Variants in E2F6 observed in about 807,000 individuals in gnomAD.
E2F6 encodes E2F transcription factor 6, also known as transcription factor E2F6.
E2F6 carries 19 observed loss-of-function variants against 31.5 expected under a neutral mutation model. The observed-to-expected ratio is 0.60, with a 90% confidence interval of 0.42 to 0.89. The LOEUF is 0.89. Among genes scored for constraint, E2F6 ranks in the 40% least tolerant of loss-of-function variants. The probability of loss-of-function intolerance (pLI) is 0.00; values close to 1 mark genes in which losing one functional copy is unlikely to be tolerated. For missense variants in E2F6, 269 were observed against 341.6 expected, an observed-to-expected ratio of 0.79 and a Z score of 1.67; for synonymous variants, 121 against 127.7, an observed-to-expected ratio of 0.95 and a Z score of 0.36.
At chr2:11,452,996 T>C (rs1326091432) in intron 3 of E2F6, among the ~76,000 whole-genome samples, 1 of 152,208 alleles carries the variant, frequency 6.6e-6, no homozygotes, top group African/African-American at 2.4e-5. Flanking sequence ...TATGTACTTA[T>C]TTGCTGTAAC....
At chr2:11,460,316 T>G (rs1290686218) in intron 1 of E2F6, among the ~76,000 whole-genome samples, 2 of 90 alleles carry the variant, frequency 0.022, no homozygotes. Flanking sequence ...AAATTTTCCT[T>G]ATTTTTCAAT....
chr2:11,465,690 C>G, intron 1 of E2F6, 82 bp downstream of exon 1: 1 of 1,448,962 alleles, frequency 6.9e-7, no homozygotes, highest in African/African-American at 1.4e-5. Flanking sequence ...AGACGACGGC[C>G]AGCGGGGTTG....
intron 1 of E2F6, among the ~76,000 whole-genome samples, chr2:11,460,782 T>C (rs1425222602): frequency 6.6e-6 from 1 of 152,198 alleles, no homozygotes; most frequent in Non-Finnish European, 1.5e-5. Flanking sequence ...ACTGACTGAA[T>C]ACTGTAGATA....
At chr2:11,454,567 G>T (rs1391197972) in intron 2 of E2F6, among the ~76,000 whole-genome samples, 1 of 152,016 alleles carries the variant, frequency 6.6e-6, no homozygotes, top group Non-Finnish European at 1.5e-5. Context: ...GGCTGGTCTT[G>T]AATTCATTCC....
At position 11,459,865 on chromosome 2, in the gene E2F6, C is replaced by T. The variant is rs919459775; in HGVS notation, c.109-2632G>A. Among the ~76,000 whole-genome samples the T allele has an allele frequency of 5.3e-5, 8 of 149,772 alleles. No individual in the cohort carries two copies. The East Asian group carries it at 6.0e-4, about 11-fold the overall frequency. ...TGCCATTGCACTCCAGCCCAGATGA[C>T]GGTGCGAGACTCCGTCTCAAAAAAA... On this transcript the variant is annotated intron_variant, in intron 1 of 6. Transcript: ENST00000381525.
intron 5 of E2F6, 107 bp from the exon 6 acceptor site, chr2:11,447,881 T>A: frequency 7.6e-7 from 1 of 1,315,240 alleles, no homozygotes; most frequent in Non-Finnish European, 1.0e-6. Context: ...TCACCTTAGC[T>A]GTAGTCACAT....
intron 5 of E2F6, among the ~76,000 whole-genome samples, chr2:11,448,782 T>C (rs1006457623): frequency 1.3e-5 from 2 of 152,270 alleles, no homozygotes; most frequent in African/African-American, 4.8e-5. Flanking sequence ...ACACTATCCC[T>C]GTCACAACCT....
chr2:11,464,951 G>A (rs1332213032), intron 1 of E2F6, among the ~76,000 whole-genome samples: 3 of 151,968 alleles, frequency 2.0e-5, no homozygotes, highest in South Asian at 4.2e-4. Context: ...CGGGCTCGGT[G>A]GATCACCTGA....
At chr2:11,465,713 G>A (rs1251170646) in intron 1 of E2F6, 59 bp downstream of exon 1, 7 of 1,526,606 alleles carry the variant, frequency 4.6e-6, no homozygotes, top group Non-Finnish European at 5.3e-6. Flanking sequence ...GGCGGCGCGG[G>A]GAGGAGGGGG....
rs1413288834 is a variant in E2F6, at chr2:11,446,537, CGA to C, written c.800-16_800-15del. ...GAGGATTTTCTTCTGGAAAAGAACA[CGA>C]GAGAGAAATACACCTAAGTGAATAC... is the stretch of plus-strand genomic sequence containing the variant. On this transcript the variant is annotated splice_polypyrimidine_tract_variant and intron_variant, in intron 6 of 6. Coordinates refer to ENST00000381525, the MANE Select transcript of E2F6 (RefSeq NM_198256.4). The C allele has an allele frequency of 4.5e-5, 72 of 1,612,048 alleles. No homozygotes were observed. Among genetic ancestry groups the C allele is most frequent in the Non-Finnish European group, 6.0e-5 (71 of 1,178,616 alleles).
chr2:11,464,029 A>G (rs1340734096), intron 1 of E2F6, among the ~76,000 whole-genome samples: 1 of 151,288 alleles, frequency 6.6e-6, no homozygotes, highest in Non-Finnish European at 1.5e-5. Context: ...GAGAAGCCAG[A>G]GAAGCAGATG....
intron 2 of E2F6, among the ~76,000 whole-genome samples, chr2:11,456,415 A>T (rs1043024203): frequency 2.0e-5 from 3 of 152,202 alleles, no homozygotes; most frequent in Non-Finnish European, 2.9e-5. Context: ...GAGAAGAAGC[A>T]ATTCAACGTT....
At chr2:11,447,491 C>T in intron 6 of E2F6, 136 bp downstream of exon 6, 2 of 923,228 alleles carry the variant, frequency 2.2e-6, no homozygotes, top group Non-Finnish European at 3.3e-6. Context: ...TTCTAAACTA[C>T]AGTAAGAGTT....
chr2:11,463,920 G>C (rs1671941331), intron 1 of E2F6, among the ~76,000 whole-genome samples: 2 of 141,884 alleles, frequency 1.4e-5, no homozygotes, highest in African/African-American at 5.1e-5. Flanking sequence ...CTGCACTCCA[G>C]CCAGGGTGAC....
intron 1 of E2F6, among the ~76,000 whole-genome samples, chr2:11,457,624 A>AAAAAC (rs1301766943): frequency 1.3e-5 from 2 of 152,204 alleles, no homozygotes; most frequent in African/African-American, 2.4e-5. Flanking sequence ...CTCCGTCTCA[A>AAAAAC]AAAACAAAAC....
chr2:11,459,772 T>C (rs1220055534), intron 1 of E2F6, among the ~76,000 whole-genome samples: 6 of 151,986 alleles, frequency 3.9e-5, no homozygotes, highest in Admixed American at 3.9e-4. Flanking sequence ...TAATAAAAGC[T>C]ACTTGGGAGG....
chr2:11,444,744 T>C lies in E2F6; in HGVS notation c.*1733A>G, dbSNP rs1670620455. Reference sequence around the variant, plus strand: ...CCTGACGTACTACACAGCTCAGACTTTTCCGCTGAGCACCTGACCTACATA... The same window carrying C: ...CCTGACGTACTACACAGCTCAGACTCTTCCGCTGAGCACCTGACCTACATA... On this transcript the variant is annotated 3_prime_UTR_variant, in exon 7 of 7. Transcript: ENST00000381525. 6.6e-6 allele frequency: 1 copy of C among 152,198 alleles called. No individual in the cohort carries two copies. The highest frequency in any genetic ancestry group is 1.5e-5 in the Non-Finnish European group (1 of 68,054). The allele number at this position is 152,198 out of a possible 1,614,324, so 9.4% of individuals were successfully genotyped here.
chr2:11,463,027 C>A (rs1671881654), intron 1 of E2F6, among the ~76,000 whole-genome samples: 1 of 152,160 alleles, frequency 6.6e-6, no homozygotes, highest in Admixed American at 6.5e-5. Flanking sequence ...AATACCAGAA[C>A]TGTATGTCTA....
chr2:11,464,881 T>C (rs1672039722), intron 1 of E2F6, among the ~76,000 whole-genome samples: 1 of 152,008 alleles, frequency 6.6e-6, no homozygotes, highest in African/African-American at 2.4e-5. Flanking sequence ...TGGGAAAATG[T>C]TTAATTACTA....
Sources: allele counts gnomAD v4.1 joint callset (sites outside exome capture counted in the v4.1 genomes callset), GRCh38; gene constraint gnomAD v4.1.1; transcripts MANE v1.5; gene names NCBI Gene and HGNC (gene_info 2026-07-23, HGNC 2026-07-21).